Variants in ABCB5 observed in about 807,000 individuals in gnomAD.
The protein encoded by ABCB5 is ATP binding cassette subfamily B member 5, also known as ATP-binding cassette sub-family B member 5.
Under a neutral mutation model 144.2 loss-of-function variants are expected in ABCB5, and 155 were observed. The ratio of observed to expected loss-of-function variants is 1.08; its 90% CI spans 0.94 to 1.23. The LOEUF (loss-of-function observed/expected upper bound fraction) is 1.23, where lower values mean the gene tolerates loss of function less well. ABCB5 is among the 50% of genes most tolerant of loss of function. The pLI is 0.00. For synonymous variants in ABCB5, 610 were observed against 528.6 expected (o/e 1.15, Z -2.11); for missense variants, 1,830 against 1,520.8 (o/e 1.20, Z -3.38).
chr7:20,630,892 T>G (rs865913823), intron 4 of ABCB5, among the ~76,000 whole-genome samples: 10 of 152,204 alleles, frequency 6.6e-5, no homozygotes, highest in Non-Finnish European at 1.5e-4. Context: ...CCTGGTTTTA[T>G]TGAATGTGGT....
At chr7:20,635,570 A>G (rs1784140041) in intron 5 of ABCB5, among the ~76,000 whole-genome samples, 1 of 152,036 alleles carries the variant, frequency 6.6e-6, no homozygotes, top group Non-Finnish European at 1.5e-5. Context: ...TGTTTGTATC[A>G]TCTGCAATTC....
At chr7:20,668,676 T>A (rs1377014263) in intron 14 of ABCB5, among the ~76,000 whole-genome samples, 6 of 135,350 alleles carry the variant, frequency 4.4e-5, no homozygotes, top group Non-Finnish European at 3.1e-5. Flanking sequence ...TACTGGGAAG[T>A]GAGGAGCCCC....
chr7:20,640,769 G>A (rs1313502351), intron 5 of ABCB5, among the ~76,000 whole-genome samples: 1 of 152,188 alleles, frequency 6.6e-6, no homozygotes, highest in African/African-American at 2.4e-5. Flanking sequence ...TAGCAAGGAA[G>A]CAGATTTGCA....
rs187921950 is a variant in ABCB5, at chr7:20,724,860, C to T, written c.2625+1641C>T. On this transcript the variant is annotated intron_variant, in intron 21 of 27. Transcript: ENST00000404938. ...TTTGCCTGAGCCTTAGACCTTTCCACCTTTTTTTGCACAAGATAAGGACCC... is the reference window on the plus strand; with the variant it reads ...TTTGCCTGAGCCTTAGACCTTTCCATCTTTTTTTGCACAAGATAAGGACCC... 3.4e-3 allele frequency among the ~76,000 whole-genome samples: 516 copies of T among 152,132 alleles called. 5 individuals carry two copies. Among genetic ancestry groups the T allele is most frequent in the Middle Eastern group, 3.4e-3 (1 of 294 alleles).
rs1332215221 is a variant in ABCB5 at position 20,628,841 on chromosome 7, G to A, written c.259+3G>A. The A allele has an allele frequency of 4.3e-6, 7 of 1,613,170 alleles. No individual in the cohort carries two copies. Among genetic ancestry groups the A allele is most frequent in the Non-Finnish European group, 5.1e-6 (6 of 1,179,602 alleles). On this transcript the variant is annotated splice_donor_region_variant and intron_variant, in intron 4 of 27. Transcript: ENST00000404938. ...ATGTCTAGTCCAAACTAACACAAGTGAGTATACGATTATTTTTCTGTATCA... is the reference window on the plus strand; with the variant it reads ...ATGTCTAGTCCAAACTAACACAAGTAAGTATACGATTATTTTTCTGTATCA...
At chr7:20,671,495 G>T (rs1785458582) in intron 14 of ABCB5, among the ~76,000 whole-genome samples, 1 of 152,026 alleles carries the variant, frequency 6.6e-6, no homozygotes, top group Non-Finnish European at 1.5e-5. Context: ...CTGATCCTTG[G>T]CAACCACTGT....
chr7:20,647,866 G>T (rs775391309), intron 10 of ABCB5, 102 bp from the exon 11 acceptor site: 18 of 1,089,828 alleles, frequency 1.7e-5, no homozygotes, highest in Admixed American at 1.2e-4. Context: ...AAGCAGAAAG[G>T]AAACTGTCAT....
At chr7:20,651,347 G>T (rs1363967225) in intron 12 of ABCB5, 73 bp from the exon 13 acceptor site, 5 of 1,337,768 alleles carry the variant, frequency 3.7e-6, no homozygotes, top group Non-Finnish European at 4.2e-6. Flanking sequence ...CTTATATTTT[G>T]GTCTAGTATG....
intron 21 of ABCB5, among the ~76,000 whole-genome samples, chr7:20,725,257 T>G (rs2128050498): frequency 6.7e-6 from 1 of 149,538 alleles, no homozygotes; most frequent in Admixed American, 6.6e-5. Flanking sequence ...ATGTGTAGAT[T>G]TGGAAAAATT....
At chr7:20,638,081 GTTGTT>G (rs1383603020) in intron 5 of ABCB5, among the ~76,000 whole-genome samples, 1 of 152,088 alleles carries the variant, frequency 6.6e-6, no homozygotes, top group Non-Finnish European at 1.5e-5. Flanking sequence ...ACTCGAGTGT[GTTGTT>G]TTGTTTGTTT....
At chr7:20,717,022 C>G (rs1583447043) in intron 20 of ABCB5, among the ~76,000 whole-genome samples, 1 of 152,134 alleles carries the variant, frequency 6.6e-6, no homozygotes, top group Non-Finnish European at 1.5e-5. Context: ...CCGACCTGAA[C>G]GCCACACTCC....
intron 23 of ABCB5, among the ~76,000 whole-genome samples, chr7:20,733,667 C>G (rs1421851644): frequency 1.9e-4 from 28 of 148,880 alleles, no homozygotes; most frequent in South Asian, 6.3e-4. Context: ...AAGTTCGAGT[C>G]TCGCTCTGTC....
At chr7:20,735,073 T>A (rs547513948) in intron 23 of ABCB5, among the ~76,000 whole-genome samples, 1 of 152,224 alleles carries the variant, frequency 6.6e-6, no homozygotes, top group Non-Finnish European at 1.5e-5. Context: ...TCTATCTCTG[T>A]GAGTTTCTTC....
intron 2 of ABCB5, among the ~76,000 whole-genome samples, chr7:20,623,845 A>G (rs1446967528): frequency 6.6e-6 from 1 of 152,220 alleles, no homozygotes; most frequent in African/African-American, 2.4e-5. Flanking sequence ...CACTTTTACC[A>G]TAATAATTGT....
chr7:20,643,680 C>A (rs1784344246), intron 7 of ABCB5, 48 bp downstream of exon 7: 1 of 1,590,864 alleles, frequency 6.3e-7, no homozygotes, highest in African/African-American at 1.3e-5. Context: ...GCAGTGTGGA[C>A]TAAATGACTC....
chr7:20,667,287 A>C, intron 14 of ABCB5: 1 of 984,592 alleles, frequency 1.0e-6, no homozygotes, highest in Non-Finnish European at 1.2e-6. Flanking sequence ...GAAATGCTTG[A>C]TAAGTAAATA....
At chr7:20,686,067 C>T (rs1041521769) in intron 16 of ABCB5, among the ~76,000 whole-genome samples, 9 of 152,186 alleles carry the variant, frequency 5.9e-5, no homozygotes, top group Non-Finnish European at 2.9e-5. Flanking sequence ...AAAAAAATCT[C>T]GTGAGACTGT....
At chr7:20,729,901 A>T (rs1388722659) in intron 23 of ABCB5, among the ~76,000 whole-genome samples, 1 of 152,208 alleles carries the variant, frequency 6.6e-6, no homozygotes, top group Non-Finnish European at 1.5e-5. Flanking sequence ...TACTTTGAAT[A>T]TCCTTATTGT....
intron 23 of ABCB5, among the ~76,000 whole-genome samples, chr7:20,736,469 G>A (rs536483267): frequency 6.6e-6 from 1 of 152,250 alleles, no homozygotes; most frequent in African/African-American, 2.4e-5. Flanking sequence ...ACCCACCTCG[G>A]CCTCCCAAAG....
Sources: gnomAD v4.1 joint callset for allele counts (sites outside exome capture counted in the v4.1 genomes callset) on GRCh38, gnomAD v4.1.1 for gene constraint, MANE v1.5 for transcripts, NCBI Gene and HGNC (gene_info 2026-07-23, HGNC 2026-07-21) for gene names.